KLF8: variants seen among roughly 807,000 people sequenced by gnomAD.
The protein encoded by KLF8 is KLF transcription factor 8, also known as Krueppel-like factor 8.
In KLF8, 10 loss-of-function variants were observed where a neutral mutation model predicts 18.2. The ratio of observed to expected loss-of-function variants is 0.55; its 90% CI spans 0.34 to 0.93. The LOEUF is 0.93. KLF8 is among the 40% of genes least tolerant of loss of function. KLF8 has a pLI of 0.02. For synonymous variants in KLF8, 109 were observed against 97.3 expected (o/e 1.12, Z -0.71); for missense variants, 264 against 277.9 (o/e 0.95, Z 0.36).
chrX:56,053,379 A>G, the KLF8 span, among the ~76,000 whole-genome samples: 1 of 111,322 alleles, frequency 9.0e-6, no homozygotes, highest in African/African-American at 3.3e-5. Flanking sequence ...ATCTTGGTGG[A>G]TAAGTTTTTT....
the KLF8 span, among the ~76,000 whole-genome samples, chrX:56,171,481 G>A: frequency 3.0e-3 from 332 of 111,067 alleles, no homozygotes; most frequent in African/African-American, 0.01. Flanking sequence ...CCATTAACTC[G>A]TCATTTACAT....
chrX:56,264,368 A>AAATGTATTTATTAGTTTTTTAAACT (rs2147648163), intron 2 of KLF8, among the ~76,000 whole-genome samples: 1 of 106,611 alleles, frequency 9.4e-6, no homozygotes, highest in African/African-American at 3.5e-5. Flanking sequence ...TTAAACTAAT[A>AAATGTATTTATTAGTTTTTTAAACT]AATGTATTTA....
the KLF8 span, among the ~76,000 whole-genome samples, chrX:56,068,043 C>G: frequency 7.1e-5 from 8 of 112,307 alleles, no homozygotes; most frequent in African/African-American, 2.6e-4. Context: ...TAGCCTTCAG[C>G]CTCATGGTCT....
chrX:56,189,619 C>T, the KLF8 span, among the ~76,000 whole-genome samples: 1 of 110,597 alleles, frequency 9.0e-6, no homozygotes, highest in Non-Finnish European at 1.9e-5. Context: ...TGGAACCAAG[C>T]CAAATGTCCA....
the KLF8 span, among the ~76,000 whole-genome samples, chrX:56,077,267 G>A: frequency 8.9e-6 from 1 of 111,770 alleles, no homozygotes; most frequent in Non-Finnish European, 1.9e-5. Flanking sequence ...GGATATTTCT[G>A]GTTTTAAGTA....
chrX:55,930,157 G>T, the KLF8 span, among the ~76,000 whole-genome samples: 145 of 111,517 alleles, frequency 1.3e-3, no homozygotes, highest in African/African-American at 4.3e-3. Context: ...GTGAATAGGA[G>T]TTTCACTCAT....
chrX:56,189,170 C>A, the KLF8 span, among the ~76,000 whole-genome samples: 1 of 110,998 alleles, frequency 9.0e-6, no homozygotes, highest in Non-Finnish European at 1.9e-5. Context: ...AATAAATTTA[C>A]AAGAAAAAAA....
At chrX:55,970,429 A>G in the KLF8 span, among the ~76,000 whole-genome samples, 1 of 111,704 alleles carries the variant, frequency 9.0e-6, no homozygotes, top group Non-Finnish European at 1.9e-5. Context: ...AACAGACCAC[A>G]ATGTAATAAA....
At chrX:56,211,746 T>A in the KLF8 span, among the ~76,000 whole-genome samples, 4 of 111,739 alleles carry the variant, frequency 3.6e-5, no homozygotes, top group African/African-American at 1.3e-4. Context: ...AACCACAAGA[T>A]GCAGTCCTTC....
At chrX:55,925,416 G>A in the KLF8 span, among the ~76,000 whole-genome samples, 15 of 108,938 alleles carry the variant, frequency 1.4e-4, no homozygotes, top group East Asian at 8.6e-4. Flanking sequence ...ACACACACAC[G>A]CACACACACA....
At chrX:56,197,583 G>A in the KLF8 span, among the ~76,000 whole-genome samples, 1 of 111,808 alleles carries the variant, frequency 8.9e-6, no homozygotes, top group East Asian at 2.8e-4. Context: ...CTCTGAAATT[G>A]AGGCAATAAT....
the KLF8 span, among the ~76,000 whole-genome samples, chrX:56,150,266 A>T: frequency 8.9e-6 from 1 of 111,815 alleles, no homozygotes; most frequent in Non-Finnish European, 1.9e-5. Flanking sequence ...ACCTCAGATG[A>T]AGTTCATAAT....
At chrX:56,154,620 A>G in the KLF8 span, among the ~76,000 whole-genome samples, 1 of 112,105 alleles carries the variant, frequency 8.9e-6, no homozygotes, top group Non-Finnish European at 1.9e-5. Flanking sequence ...TAATTAAACT[A>G]AATAGCTTCT....
chrX:56,174,690 C>A, the KLF8 span, among the ~76,000 whole-genome samples: 1 of 111,669 alleles, frequency 9.0e-6, no homozygotes, highest in East Asian at 2.8e-4. Context: ...CCTCCTTGTA[C>A]CTGTGGTAGA....
At chrX:55,945,540 T>C in the KLF8 span, among the ~76,000 whole-genome samples, 1 of 111,097 alleles carries the variant, frequency 9.0e-6, no homozygotes, top group Non-Finnish European at 1.9e-5. Flanking sequence ...TCATACTGAA[T>C]GGGCAAAAAC....
In KLF8 at chrX:56,232,900, G is replaced by A. The variant is rs894902449; in HGVS notation, c.-435G>A. On this transcript the variant is annotated 5_prime_UTR_variant, in exon 1 of 6. Transcript: ENST00000468660. Reference sequence around the variant, plus strand: ...GGAGTTCAGAGGATGGGTGGAGAGCGGGCTTGGCCGGAACTGAATTGGTAG... The same window carrying A: ...GGAGTTCAGAGGATGGGTGGAGAGCAGGCTTGGCCGGAACTGAATTGGTAG... 4 of 135,042 alleles carry A rather than the reference G, an allele frequency of 3.0e-5. No homozygotes were observed. The highest frequency in any genetic ancestry group is 5.9e-5 in the Non-Finnish European group (4 of 67,954). 11.1% of individuals were successfully genotyped at this position (135,042 alleles called of 1,213,427 possible).
chrX:56,147,747 G>C, the KLF8 span, among the ~76,000 whole-genome samples: 1 of 112,279 alleles, frequency 8.9e-6, no homozygotes, highest in Non-Finnish European at 1.9e-5. Context: ...GGGAGACCGA[G>C]GTGGGTGGAT....
intron 5 of KLF8, among the ~76,000 whole-genome samples, chrX:56,280,456 G>A (rs1399932972): frequency 8.9e-6 from 1 of 111,858 alleles, no homozygotes; most frequent in Admixed American, 9.5e-5. Flanking sequence ...GGTTGGTCTC[G>A]AACTTCTGGA....
At chrX:56,241,188 G>T (rs370133696) in intron 1 of KLF8, among the ~76,000 whole-genome samples, 112 of 110,930 alleles carry the variant, frequency 1.0e-3, no homozygotes, top group African/African-American at 3.5e-3. Flanking sequence ...TTTTTTTTGA[G>T]ATGGAGCCTC....
Sources: allele counts gnomAD v4.1 joint callset (sites outside exome capture counted in the v4.1 genomes callset), GRCh38; gene constraint gnomAD v4.1.1; transcripts MANE v1.5; gene names NCBI Gene and HGNC (gene_info 2026-07-23, HGNC 2026-07-21).